The following GRID2 variants were observed in gnomAD, a reference collection of about 807,000 sequenced individuals.
GRID2 encodes glutamate ionotropic receptor delta type subunit 2.
GRID2 carries 33 observed loss-of-function variants against 114.8 expected under a neutral mutation model. That is an observed-to-expected ratio of 0.29 (90% CI 0.22 to 0.38). GRID2 has a LOEUF of 0.38. Ranked by LOEUF, GRID2 falls within the 10% of genes least tolerant of loss-of-function variation. The probability of loss-of-function intolerance (pLI) is 1.00; values close to 1 mark genes in which losing one functional copy is unlikely to be tolerated. For synonymous variants in GRID2, 505 were observed against 449.9 expected (o/e 1.12, Z -1.55); for missense variants, 1,184 against 1,257.7 (o/e 0.94, Z 0.89).
At chr4:92,446,196 C>A (rs1156832468) in intron 1 of GRID2, among the ~76,000 whole-genome samples, 1 of 152,134 alleles carries the variant, frequency 6.6e-6, no homozygotes, top group Non-Finnish European at 1.5e-5. Context: ...ATCAGGCCAC[C>A]TCAACTTCCC....
chr4:92,642,726 T>C (rs2149254801), intron 2 of GRID2, among the ~76,000 whole-genome samples: 1 of 152,014 alleles, frequency 6.6e-6, no homozygotes, highest in Admixed American at 6.6e-5. Context: ...CAAAAATTCT[T>C]TGTCAAGGCC....
chr4:93,592,352 T>A lies in GRID2; in HGVS notation c.2194-33917T>A, dbSNP rs191773598. On this transcript the variant is annotated intron_variant, in intron 13 of 15. Coordinates refer to ENST00000282020, the MANE Select transcript of GRID2 (RefSeq NM_001510.4). ...TCAGGAGGAGGTTGTTCAGTTTCCATGTAGATGAGCGATTTTGAGTGAGAT... is the reference window on the plus strand; with the variant it reads ...TCAGGAGGAGGTTGTTCAGTTTCCAAGTAGATGAGCGATTTTGAGTGAGAT... Among the ~76,000 whole-genome samples the A allele has an allele frequency of 2.1e-3, 319 of 152,344 alleles. 1 individual carries two copies. The highest frequency in any genetic ancestry group is 3.1e-3 in the Non-Finnish European group (212 of 68,030).
At chr4:93,790,188 G>A (rs1410530616) in intron 1 of GRID2, among the ~76,000 whole-genome samples, 1 of 149,862 alleles carries the variant, frequency 6.7e-6, no homozygotes, top group Non-Finnish European at 1.5e-5. Flanking sequence ...CAAAAAGCCT[G>A]GGGACCACTG....
intron 1 of GRID2, among the ~76,000 whole-genome samples, chr4:92,337,330 C>T (rs1030596221): frequency 1.4e-4 from 21 of 151,984 alleles, no homozygotes; most frequent in African/African-American, 4.1e-4. Flanking sequence ...AATAATATTG[C>T]GATGAGTTCA....
At chr4:93,559,477 A>G (rs1734671114) in intron 13 of GRID2, among the ~76,000 whole-genome samples, 1 of 152,248 alleles carries the variant, frequency 6.6e-6, no homozygotes, top group Non-Finnish European at 1.5e-5. Flanking sequence ...AATATGAAAA[A>G]AAGCTCATCA....
At chr4:93,650,403 A>G (rs1722484493) in intron 14 of GRID2, among the ~76,000 whole-genome samples, 1 of 152,176 alleles carries the variant, frequency 6.6e-6, no homozygotes, top group Non-Finnish European at 1.5e-5. Flanking sequence ...ACCTCAATGA[A>G]ATAAAAGTTG....
At chr4:92,886,196 C>A (rs188453959) in intron 2 of GRID2, among the ~76,000 whole-genome samples, 1 of 152,166 alleles carries the variant, frequency 6.6e-6, no homozygotes, top group East Asian at 1.9e-4. Context: ...CCAGAACCAG[C>A]ACAACATTTA....
chr4:93,358,795 G>A (rs1454845800), intron 8 of GRID2, among the ~76,000 whole-genome samples: 1 of 151,956 alleles, frequency 6.6e-6, no homozygotes, highest in Non-Finnish European at 1.5e-5. Context: ...AAGTAATACT[G>A]AATTAAGTCT....
intron 2 of GRID2, among the ~76,000 whole-genome samples, chr4:93,013,140 G>A (rs915832067): frequency 6.6e-6 from 1 of 151,994 alleles, no homozygotes; most frequent in African/African-American, 2.4e-5. Flanking sequence ...ACAGAGTAAT[G>A]TCTGCTTTCC....
intron 14 of GRID2, among the ~76,000 whole-genome samples, chr4:93,714,383 T>A (rs1435453486): frequency 6.6e-6 from 1 of 152,204 alleles, no homozygotes; most frequent in Non-Finnish European, 1.5e-5. Flanking sequence ...CTATTGTGAA[T>A]AATGCTGCAA....
At chr4:93,152,078 T>G (rs1406960610) in intron 4 of GRID2, among the ~76,000 whole-genome samples, 4 of 152,106 alleles carry the variant, frequency 2.6e-5, no homozygotes, top group Admixed American at 2.6e-4. Context: ...TAATGAACAT[T>G]CAAGGAAGGG....
intron 2 of GRID2, among the ~76,000 whole-genome samples, chr4:92,660,273 C>T (rs1312084800): frequency 6.6e-6 from 1 of 151,210 alleles, no homozygotes; most frequent in East Asian, 1.9e-4. Flanking sequence ...TAGGAAGATA[C>T]AAAGAATAAG....
At chr4:93,538,498 A>G (rs1732329960) in intron 13 of GRID2, among the ~76,000 whole-genome samples, 2 of 151,766 alleles carry the variant, frequency 1.3e-5, no homozygotes, top group South Asian at 2.1e-4. Context: ...ATACTCCTCC[A>G]TTCACGCTTT....
chr4:92,988,722 C>G (rs992730091), intron 2 of GRID2, among the ~76,000 whole-genome samples: 5 of 152,036 alleles, frequency 3.3e-5, no homozygotes, highest in African/African-American at 9.7e-5. Context: ...ATTAAAATCC[C>G]TGGAAGAATA....
chr4:93,044,556 C>T (rs2149273091), intron 2 of GRID2, among the ~76,000 whole-genome samples: 1 of 152,196 alleles, frequency 6.6e-6, no homozygotes, highest in South Asian at 2.1e-4. Context: ...ATTAGTTTTG[C>T]ATCAGTCATC....
chr4:93,448,804 CCCTT>C, intron 10 of GRID2, among the ~76,000 whole-genome samples: 8 of 8,378 alleles, frequency 9.5e-4, no homozygotes, highest in African/African-American at 2.5e-3. Context: ...CCCTTCCCTT[CCCTT>C]CCCTTCCCTT....
At chr4:92,529,119 G>T (rs1725188920) in intron 1 of GRID2, among the ~76,000 whole-genome samples, 1 of 152,080 alleles carries the variant, frequency 6.6e-6, no homozygotes. Flanking sequence ...GGGCTATTTA[G>T]AGTGCAGGTA....
chr4:92,655,686 A>T (rs1408416229), intron 2 of GRID2, among the ~76,000 whole-genome samples: 2 of 151,284 alleles, frequency 1.3e-5, no homozygotes, highest in African/African-American at 4.8e-5. Context: ...TTCATTATTG[A>T]TGGCTAGAAA....
chr4:93,545,915 A>G (rs1733168425), intron 13 of GRID2, among the ~76,000 whole-genome samples: 1 of 152,238 alleles, frequency 6.6e-6, no homozygotes, highest in Non-Finnish European at 1.5e-5. Context: ...ACTTTAATAA[A>G]GCAGCGATTT....
Sources: allele counts gnomAD v4.1 joint callset (sites outside exome capture counted in the v4.1 genomes callset), GRCh38; gene constraint gnomAD v4.1.1; transcripts MANE v1.5; gene names NCBI Gene and HGNC (gene_info 2026-07-23, HGNC 2026-07-21).